The following RYR2 variants were observed in gnomAD, a reference collection of about 807,000 sequenced individuals.
RYR2 encodes ryanodine receptor 2.
A neutral mutation model predicts 601.1 loss-of-function variants in RYR2; 227 were observed. The observed-to-expected ratio is 0.38, with a 90% CI of 0.34 to 0.42. The LOEUF (loss-of-function observed/expected upper bound fraction) is 0.42, where lower values mean the gene tolerates loss of function less well. RYR2 is among the 10% of genes least tolerant of loss of function. RYR2 has a pLI of 1.00. For synonymous variants in RYR2, 2,223 were observed against 2,175.1 expected, an observed-to-expected ratio of 1.02 and a Z score of -0.61; for missense variants, 4,646 against 6,156.5, an observed-to-expected ratio of 0.75 and a Z score of 8.21.
chr1:237,344,763 C>T (rs1400201476), intron 3 of RYR2, among the ~76,000 whole-genome samples: 1 of 152,076 alleles, frequency 6.6e-6, no homozygotes, highest in Non-Finnish European at 1.5e-5. Context: ...TTAACCAACA[C>T]CACATTGTCT....
intron 16 of RYR2, among the ~76,000 whole-genome samples, chr1:237,467,354 A>G (rs1355348109): frequency 2.6e-5 from 4 of 152,026 alleles, no homozygotes; most frequent in Non-Finnish European, 4.4e-5. Flanking sequence ...AAACTTTATC[A>G]TGTCCTTTTT....
At chr1:237,380,427 A>G (rs1225289225) in intron 8 of RYR2, among the ~76,000 whole-genome samples, 1 of 100,554 alleles carries the variant, frequency 9.9e-6, no homozygotes, top group African/African-American at 4.0e-5. Context: ...TATATAGTAA[A>G]TACGAAGTCT....
At chr1:237,466,680 T>C (rs1174117436) in intron 16 of RYR2, among the ~76,000 whole-genome samples, 1 of 152,062 alleles carries the variant, frequency 6.6e-6, no homozygotes, top group East Asian at 1.9e-4. Flanking sequence ...GTTCTTTTCC[T>C]CTATTTCAAA....
At chr1:237,054,774 T>C (rs1308554017) in intron 1 of RYR2, among the ~76,000 whole-genome samples, 3 of 152,194 alleles carry the variant, frequency 2.0e-5, no homozygotes, top group Non-Finnish European at 4.4e-5. Flanking sequence ...TCAACACCAC[T>C]ACTATGCCTC....
chr1:237,413,677 G>A (rs1572211698), intron 10 of RYR2, among the ~76,000 whole-genome samples: 1 of 151,970 alleles, frequency 6.6e-6, no homozygotes, highest in South Asian at 2.1e-4. Flanking sequence ...GTTCACATAT[G>A]TACATATATG....
intron 1 of RYR2, among the ~76,000 whole-genome samples, chr1:237,157,066 C>T (rs1202454888): frequency 2.6e-5 from 4 of 151,876 alleles, no homozygotes; most frequent in Non-Finnish European, 4.4e-5. Context: ...GAGGCCGAGG[C>T]GGGTGGATCA....
At chr1:237,414,801 A>C (rs1704794217) in intron 10 of RYR2, among the ~76,000 whole-genome samples, 1 of 152,180 alleles carries the variant, frequency 6.6e-6, no homozygotes, top group South Asian at 2.1e-4. Context: ...TTTTTAAATG[A>C]CATTCTGTCA....
intron 6 of RYR2, among the ~76,000 whole-genome samples, chr1:237,371,817 T>C (rs1336279307): frequency 6.6e-6 from 1 of 152,156 alleles, no homozygotes; most frequent in South Asian, 2.1e-4. Flanking sequence ...AAACACTGCA[T>C]GTTCTCACTC....
At chr1:237,675,943 A>G (rs984762346) in intron 60 of RYR2, among the ~76,000 whole-genome samples, 4 of 152,166 alleles carry the variant, frequency 2.6e-5, no homozygotes, top group Non-Finnish European at 4.4e-5. Flanking sequence ...CTAATTTATA[A>G]TCTGTAATCT....
At chr1:237,293,197 T>C (rs188190689) in intron 2 of RYR2, among the ~76,000 whole-genome samples, 9 of 152,138 alleles carry the variant, frequency 5.9e-5, no homozygotes, top group East Asian at 1.9e-4. Flanking sequence ...TGCCCTCTAC[T>C]TCAATTTAAT....
intron 1 of RYR2, among the ~76,000 whole-genome samples, chr1:237,128,720 G>A (rs1477835368): frequency 6.6e-6 from 1 of 152,176 alleles, no homozygotes; most frequent in Non-Finnish European, 1.5e-5. Flanking sequence ...GTCGGGATGG[G>A]AAGGACCAAA....
chr1:237,745,912 AT>A (rs34696824), intron 80 of RYR2, among the ~76,000 whole-genome samples: 270 of 145,146 alleles, frequency 1.9e-3, no homozygotes, highest in Admixed American at 1.9e-3. Context: ...TCCTAATGAG[AT>A]TTTTTTTTTT....
intron 2 of RYR2, among the ~76,000 whole-genome samples, chr1:237,298,044 C>T (rs1269003986): frequency 6.6e-6 from 1 of 151,294 alleles, no homozygotes; most frequent in East Asian, 1.9e-4. Flanking sequence ...CAGGTGTGAG[C>T]TACAGTGCCC....
At chr1:237,759,613 G>A (rs932633348) in intron 82 of RYR2, among the ~76,000 whole-genome samples, 163 bp from the exon 83 acceptor site, 24 of 152,248 alleles carry the variant, frequency 1.6e-4, no homozygotes, top group African/African-American at 4.3e-4. Context: ...ATCTTGCTTC[G>A]AGGTGTGTTC....
At chr1:237,122,473 G>A (rs1670899859) in intron 1 of RYR2, among the ~76,000 whole-genome samples, 1 of 152,182 alleles carries the variant, frequency 6.6e-6, no homozygotes, top group African/African-American at 2.4e-5. Context: ...CTTGAGGCCA[G>A]GAGTTTGAGA....
At chr1:237,103,656 C>T (rs981829434) in intron 1 of RYR2, among the ~76,000 whole-genome samples, 3 of 152,210 alleles carry the variant, frequency 2.0e-5, no homozygotes, top group Non-Finnish European at 2.9e-5. Flanking sequence ...GCAACATCCA[C>T]CTGCCAGATT....
intron 2 of RYR2, among the ~76,000 whole-genome samples, chr1:237,274,106 A>G (rs1690009165): frequency 1.4e-5 from 2 of 147,484 alleles, no homozygotes; most frequent in Admixed American, 6.8e-5. Flanking sequence ...ATGATAATGT[A>G]GATATATATG....
intron 2 of RYR2, among the ~76,000 whole-genome samples, chr1:237,283,824 G>A (rs985311561): frequency 1.3e-5 from 2 of 152,038 alleles, no homozygotes; most frequent in Non-Finnish European, 2.9e-5. Context: ...TTTTCCGTAA[G>A]TTACTGGAGT....
chr1:237,478,980 G>A (rs1205120368), intron 17 of RYR2, among the ~76,000 whole-genome samples: 1 of 152,230 alleles, frequency 6.6e-6, no homozygotes, highest in Non-Finnish European at 1.5e-5. Flanking sequence ...TTGCAGATCT[G>A]TAGAATTTCA....
Sources: gnomAD v4.1 joint callset for allele counts (sites outside exome capture counted in the v4.1 genomes callset) on GRCh38, gnomAD v4.1.1 for gene constraint, MANE v1.5 for transcripts, NCBI Gene and HGNC (gene_info 2026-07-23, HGNC 2026-07-21) for gene names.